Variants in TRAK1 observed in about 807,000 individuals in gnomAD.
TRAK1 encodes trafficking kinesin-binding protein 1.
TRAK1 carries 33 observed loss-of-function variants against 92.1 expected under a neutral mutation model. The ratio of observed to expected loss-of-function variants is 0.36; its 90% CI spans 0.27 to 0.48. The LOEUF is 0.48. TRAK1 is among the 20% of genes least tolerant of loss of function. The pLI is 0.99. For synonymous variants in TRAK1, 521 were observed against 517.3 expected (o/e 1.01, Z -0.10); for missense variants, 1,123 against 1,257.9 (o/e 0.89, Z 1.62).
Position 42,015,848 on chromosome 3 carries a change from C to T in TRAK1, c.-519+1731C>T, listed in dbSNP as rs765307713. On this transcript the variant is annotated intron_variant, in intron 1 of 16. Transcript: ENST00000487159. ...GGTCAGGAGTTCGAGACCAGCCTGGCCAACATGGTGAAACCCCGTCTCTAC... is the reference window on the plus strand; with the variant it reads ...GGTCAGGAGTTCGAGACCAGCCTGGTCAACATGGTGAAACCCCGTCTCTAC... 9.2e-5 allele frequency among the ~76,000 whole-genome samples: 14 copies of T among 151,980 alleles called. 1 individual carries two copies. Among genetic ancestry groups the T allele is most frequent in the Non-Finnish European group, 1.6e-4 (11 of 68,008 alleles).
At chr3:42,116,388 A>G (rs1709165985) in intron 1 of TRAK1, among the ~76,000 whole-genome samples, 1 of 152,244 alleles carries the variant, frequency 6.6e-6, no homozygotes, top group Non-Finnish European at 1.5e-5. Context: ...TGAATCTCTG[A>G]AGATGTTCAG....
At chr3:42,092,980 A>T (rs1705330276) in intron 1 of TRAK1, among the ~76,000 whole-genome samples, 2 of 152,162 alleles carry the variant, frequency 1.3e-5, no homozygotes, top group African/African-American at 2.4e-5. Context: ...TGGAATTCTT[A>T]CACATCTTAT....
chr3:42,084,795 G>A (rs1038522564), upstream of TRAK1, among the ~76,000 whole-genome samples: 2 of 147,962 alleles, frequency 1.4e-5, no homozygotes, highest in Non-Finnish European at 3.0e-5. Flanking sequence ...TGACAATCCC[G>A]TTTTCTTTTT....
intron 1 of TRAK1, among the ~76,000 whole-genome samples, chr3:42,048,032 T>C (rs900478242): frequency 1.4e-5 from 2 of 145,978 alleles, no homozygotes; most frequent in African/African-American, 5.1e-5. Flanking sequence ...GGTCAGAAAA[T>C]AGAACTTTGC....
chr3:42,152,558 T>C (rs1029215096), intron 2 of TRAK1, among the ~76,000 whole-genome samples: 4 of 152,210 alleles, frequency 2.6e-5, no homozygotes, highest in African/African-American at 9.7e-5. Flanking sequence ...TCTAAATTTT[T>C]AGCACATGCT....
chr3:42,076,428 G>T (rs1704163309), intron 1 of TRAK1, among the ~76,000 whole-genome samples: 1 of 151,604 alleles, frequency 6.6e-6, no homozygotes, highest in Non-Finnish European at 1.5e-5. Context: ...GTTTCACCAT[G>T]TTGGCCAGGC....
At chr3:42,071,223 A>G (rs1703918275) in intron 1 of TRAK1, among the ~76,000 whole-genome samples, 1 of 152,178 alleles carries the variant, frequency 6.6e-6, no homozygotes, top group Admixed American at 6.5e-5. Flanking sequence ...GGAATCACAA[A>G]CAGAACTGTT....
At chr3:42,105,701 C>G (rs899582525) in intron 1 of TRAK1, among the ~76,000 whole-genome samples, 1 of 152,016 alleles carries the variant, frequency 6.6e-6, no homozygotes, top group African/African-American at 2.4e-5. Context: ...AAGAACAACC[C>G]CAAGACACAT....
At chr3:42,069,114 A>C (rs957443809) in intron 1 of TRAK1, among the ~76,000 whole-genome samples, 5 of 152,096 alleles carry the variant, frequency 3.3e-5, no homozygotes, top group Non-Finnish European at 7.4e-5. Flanking sequence ...AGGTGGGTGC[A>C]TTACTTGAGC....
At chr3:42,091,642 G>A in intron 1 of TRAK1, 82 bp downstream of exon 1, 1 of 1,389,356 alleles carries the variant, frequency 7.2e-7, no homozygotes, top group Non-Finnish European at 9.9e-7. Flanking sequence ...AGGAGAAGCT[G>A]TCTCTCTCTT....
intron 1 of TRAK1, among the ~76,000 whole-genome samples, chr3:42,116,128 A>C (rs980541847): frequency 6.6e-6 from 1 of 152,276 alleles, no homozygotes; most frequent in East Asian, 1.9e-4. Context: ...AACAGCGGAA[A>C]GCGAATCAGC....
At chr3:42,071,077 C>A (rs2148937645) in intron 1 of TRAK1, among the ~76,000 whole-genome samples, 1 of 152,260 alleles carries the variant, frequency 6.6e-6, no homozygotes, top group Non-Finnish European at 1.5e-5. Context: ...GGGTAATGCA[C>A]CCAGGCCTGG....
chr3:42,090,183 TGGAG>T (rs1704933389), upstream of TRAK1, among the ~76,000 whole-genome samples: 2 of 151,976 alleles, frequency 1.3e-5, no homozygotes, highest in Admixed American at 6.6e-5. Flanking sequence ...GGCTGAACCT[TGGAG>T]GGGAAAGGAC....
intron 1 of TRAK1, among the ~76,000 whole-genome samples, chr3:42,065,848 T>G (rs1210573492): frequency 6.6e-6 from 1 of 152,076 alleles, no homozygotes; most frequent in African/African-American, 2.4e-5. Flanking sequence ...CAGGCTGGTC[T>G]CCAACTCCTG....
At chr3:42,176,419 G>A (rs1703218794) in intron 2 of TRAK1, among the ~76,000 whole-genome samples, 1 of 152,144 alleles carries the variant, frequency 6.6e-6, no homozygotes, top group South Asian at 2.1e-4. Flanking sequence ...TATGGTTAGT[G>A]GAGTCTAAAT....
intron 6 of TRAK1, 95 bp from the exon 7 acceptor site, chr3:42,191,463 A>T: frequency 9.0e-7 from 1 of 1,113,952 alleles, no homozygotes; most frequent in Non-Finnish European, 1.3e-6. Flanking sequence ...GCAGCTTCCC[A>T]GACCCCAGTT....
In TRAK1 at chr3:42,223,817, G is replaced by T; in HGVS notation, c.*80G>T. The T allele has an allele frequency of 6.8e-7, 1 of 1,464,056 alleles. No individual in the cohort carries two copies. Among genetic ancestry groups the T allele is most frequent in the Non-Finnish European group, 9.3e-7 (1 of 1,073,056 alleles). The allele number at this position is 1,464,056 out of a possible 1,614,324, so 90.7% of individuals were successfully genotyped here. A position where few individuals can be genotyped will look rare whatever the true frequency, so the allele number is the denominator to read the frequency against. On this transcript the variant is annotated 3_prime_UTR_variant, in exon 16 of 16. Transcript: ENST00000327628. This position sits in a 1 kb window ranked among gnomAD's most constrained non-coding sequence, Gnocchi z 6.1. ...CCCACCTCCCTCTCTTCCCCCCACAGTGCACTCCCTCCCTCTGCCCTTCTC... is the reference window on the plus strand; with the variant it reads ...CCCACCTCCCTCTCTTCCCCCCACATTGCACTCCCTCCCTCTGCCCTTCTC...
At chr3:42,107,472 A>G (rs1468614595) in intron 1 of TRAK1, among the ~76,000 whole-genome samples, 2 of 151,762 alleles carry the variant, frequency 1.3e-5, no homozygotes, top group Non-Finnish European at 2.9e-5. Flanking sequence ...AGATTGTGCC[A>G]CTGCACTCCA....
upstream of TRAK1, among the ~76,000 whole-genome samples, chr3:42,013,568 G>T (rs1701390745): frequency 6.6e-6 from 1 of 150,598 alleles, no homozygotes; most frequent in Non-Finnish European, 1.5e-5. The surrounding 1 kb of genome is among the most constrained non-coding windows in gnomAD (Gnocchi z 5.1). Flanking sequence ...GGGGCGGCGG[G>T]CGGGGCTGGG....
Sources: allele counts gnomAD v4.1 joint callset (sites outside exome capture counted in the v4.1 genomes callset), GRCh38; gene constraint gnomAD v4.1.1; non-coding constraint Gnocchi (gnomAD v3.1); transcripts MANE v1.5; gene names NCBI Gene and HGNC (gene_info 2026-07-23, HGNC 2026-07-21).